LRRC2: variants seen among roughly 807,000 people sequenced by gnomAD.
LRRC2 encodes the protein leucine-rich repeat-containing protein 2.
A neutral mutation model predicts 40.2 loss-of-function variants in LRRC2; 27 were observed. That is an observed-to-expected ratio of 0.67 (90% CI 0.49 to 0.93). The LOEUF is 0.93. Ranked by LOEUF, LRRC2 falls within the 40% of genes least tolerant of loss-of-function variation. The probability of loss-of-function intolerance (pLI) is 0.00; values close to 1 mark genes in which losing one functional copy is unlikely to be tolerated. For synonymous variants in LRRC2, 147 were observed against 158.9 expected (o/e 0.92, Z 0.56); for missense variants, 402 against 439.6 (o/e 0.91, Z 0.76).
At chr3:46,561,176 C>T (rs1322698986) in intron 1 of LRRC2, among the ~76,000 whole-genome samples, 1 of 152,000 alleles carries the variant, frequency 6.6e-6, no homozygotes, top group Non-Finnish European at 1.5e-5. Context: ...CCAGCTGCTG[C>T]TTGCCAAAAA....
intron 7 of LRRC2, among the ~76,000 whole-genome samples, chr3:46,522,331 C>T (rs1047177426): frequency 2.0e-5 from 3 of 151,134 alleles, no homozygotes; most frequent in Non-Finnish European, 2.9e-5. Flanking sequence ...GCTGAAATCC[C>T]GCCATGGCAC....
At chr3:46,563,946 A>G (rs1426403236) in intron 1 of LRRC2, among the ~76,000 whole-genome samples, 1 of 152,214 alleles carries the variant, frequency 6.6e-6, no homozygotes, top group Non-Finnish European at 1.5e-5. Context: ...CTGAACCTCA[A>G]CACAGAAACC....
At chr3:46,519,440 G>A (rs972080902) in intron 8 of LRRC2, among the ~76,000 whole-genome samples, 4 of 152,176 alleles carry the variant, frequency 2.6e-5, no homozygotes, top group South Asian at 4.1e-4. Flanking sequence ...AGAGGGTACC[G>A]TTTATAAGAG....
At chr3:46,521,680 G>GTA in intron 7 of LRRC2, 22 bp from the exon 8 acceptor site, 2 of 1,599,430 alleles carry the variant, frequency 1.3e-6, no homozygotes, top group Non-Finnish European at 8.5e-7. Flanking sequence ...AGCATGGGAA[G>GTA]TATCACATTA....
intron 7 of LRRC2, among the ~76,000 whole-genome samples, chr3:46,524,545 G>A (rs1397583001): frequency 6.6e-6 from 1 of 152,150 alleles, no homozygotes; most frequent in East Asian, 1.9e-4. Flanking sequence ...CTTGTTCTCT[G>A]GGATTTGGTT....
intron 2 of LRRC2, among the ~76,000 whole-genome samples, chr3:46,546,712 C>T (rs965279481): frequency 1.5e-5 from 2 of 132,278 alleles, no homozygotes; most frequent in South Asian, 2.6e-4. Context: ...CACCAATTTG[C>T]TCCTTTTTTT....
chr3:46,543,628 TAA>T (rs10616882), intron 3 of LRRC2, among the ~76,000 whole-genome samples: 45,156 of 126,090 alleles, frequency 0.36, 7,456 homozygotes, highest in Non-Finnish European at 0.41. Context: ...TTAATAATAA[TAA>T]TAATAATAAT....
At chr3:46,525,416 A>G (rs1401253181) in intron 7 of LRRC2, among the ~76,000 whole-genome samples, 1 of 151,744 alleles carries the variant, frequency 6.6e-6, no homozygotes, top group African/African-American at 2.4e-5. Context: ...ATGCCTGGCT[A>G]ATTTCTTAAT....
intron 1 of LRRC2, among the ~76,000 whole-genome samples, chr3:46,552,392 A>AG (rs1481324948): frequency 6.6e-6 from 1 of 151,916 alleles, no homozygotes; most frequent in Admixed American, 6.6e-5. Flanking sequence ...AAAAAAAAAA[A>AG]AAAGCTCACA....
In LRRC2 at chr3:46,556,293, T is replaced by A. The variant is rs182477396; in HGVS notation, c.-19-4683A>T. 4.8e-3 allele frequency among the ~76,000 whole-genome samples: 732 copies of A among 152,004 alleles called. 3 individuals carry two copies. Among genetic ancestry groups the A allele is most frequent in the Non-Finnish European group, 8.1e-3 (553 of 67,954 alleles). On this transcript the variant is annotated intron_variant, in intron 1 of 8. Transcript: ENST00000395905. ...CACCACCATATCTGGCTAATTTTTT[T>A]AAAAAAATATTTTTGCAGCGATAAG...
At chr3:46,554,958 T>C (rs1330439980) in intron 1 of LRRC2, among the ~76,000 whole-genome samples, 1 of 152,192 alleles carries the variant, frequency 6.6e-6, no homozygotes, top group Non-Finnish European at 1.5e-5. Flanking sequence ...AGAGGTATCT[T>C]GTTGTTTTGA....
chr3:46,536,925 C>T (rs1704279299), intron 4 of LRRC2, among the ~76,000 whole-genome samples: 1 of 152,156 alleles, frequency 6.6e-6, no homozygotes, highest in Admixed American at 6.5e-5. Flanking sequence ...ACATTTCAGA[C>T]AACTGTGAGC....
intron 2 of LRRC2, 146 bp downstream of exon 2, chr3:46,551,321 T>C (rs754108562): frequency 1.1e-5 from 10 of 921,850 alleles, no homozygotes; most frequent in African/African-American, 1.7e-5. Context: ...TGAGCAACAG[T>C]GTAAGGCTCT....
At chr3:46,525,291 C>T (rs987831851) in intron 7 of LRRC2, among the ~76,000 whole-genome samples, 40 of 150,540 alleles carry the variant, frequency 2.7e-4, no homozygotes, top group African/African-American at 6.6e-4. Flanking sequence ...TGCTGTGTTG[C>T]TCAGGTTGGA....
chr3:46,524,202 A>G (rs1469156186), intron 7 of LRRC2, among the ~76,000 whole-genome samples: 1 of 152,130 alleles, frequency 6.6e-6, no homozygotes, highest in East Asian at 1.9e-4. Flanking sequence ...TCCCCTGAGT[A>G]TGTAGGCAGT....
chr3:46,527,433 G>A lies in LRRC2; in HGVS notation c.922C>T (p.Pro308Ser). The A allele has an allele frequency of 6.2e-6, 10 of 1,613,876 alleles. No homozygotes were observed. The highest frequency in any genetic ancestry group is 8.5e-6 in the Non-Finnish European group (10 of 1,179,830). ...LPTALCDSST[P>S]LKFVSLMDNP... ...GATTTCCGGGCTACTCACTTTAAAG[G>A]TGTGGATGAGTCACAAAGGGCAGTT... The change falls in exon 7 of 9, where the codon CCT (proline) becomes TCT (serine). Residue 308 changes from proline to serine, a missense_variant. Coordinates refer to ENST00000395905, the MANE Select transcript of LRRC2 (RefSeq NM_024512.5).
intron 5 of LRRC2, among the ~76,000 whole-genome samples, chr3:46,530,867 G>A (rs1453138559): frequency 6.6e-6 from 1 of 152,040 alleles, no homozygotes. Context: ...GATTTGGGTG[G>A]GGACGCAGCC....
At chr3:46,524,175 C>A (rs907692463) in intron 7 of LRRC2, among the ~76,000 whole-genome samples, 1 of 152,296 alleles carries the variant, frequency 6.6e-6, no homozygotes, top group African/African-American at 2.4e-5. Flanking sequence ...GAGAATGAGA[C>A]AGCAGAATTT....
rs573406781 is a variant in LRRC2, at chr3:46,549,000, C to T, written c.125+2467G>A. On this transcript the variant is annotated intron_variant, in intron 2 of 8. Transcript: ENST00000395905. Reference sequence around the variant, plus strand: ...CCTGCACACCTCCTGCTGTGTGGCCCAGTTCCTAAAAGGCCAGCCCAGGGC... The same window carrying T: ...CCTGCACACCTCCTGCTGTGTGGCCTAGTTCCTAAAAGGCCAGCCCAGGGC... 1.4e-4 allele frequency among the ~76,000 whole-genome samples: 21 copies of T among 152,248 alleles called. No homozygotes were observed. In the South Asian group the frequency reaches 4.2e-3, roughly 30 times the overall value.
Sources: allele counts gnomAD v4.1 joint callset (sites outside exome capture counted in the v4.1 genomes callset), GRCh38; gene constraint gnomAD v4.1.1; transcripts MANE v1.5; gene names NCBI Gene and HGNC (gene_info 2026-07-23, HGNC 2026-07-21).